IFNGR2: variants seen among roughly 807,000 people sequenced by gnomAD.
IFNGR2 encodes the protein IFN-gamma receptor 2.
IFNGR2 carries 15 observed loss-of-function variants against 41.1 expected under a neutral mutation model. The ratio of observed to expected loss-of-function variants is 0.37; its 90% CI spans 0.24 to 0.56. The LOEUF is 0.56. Among genes scored for constraint, IFNGR2 ranks in the 20% least tolerant of loss-of-function variants. The pLI, the probability that IFNGR2 is intolerant of heterozygous loss-of-function variation, is 0.81. For synonymous variants in IFNGR2, 161 were observed against 171.6 expected (o/e 0.94, Z 0.48); for missense variants, 362 against 415.7 (o/e 0.87, Z 1.12).
chr21:33,425,266 G>A (rs2083826380), intron 3 of IFNGR2, among the ~76,000 whole-genome samples: 1 of 152,092 alleles, frequency 6.6e-6, no homozygotes, highest in African/African-American at 2.4e-5. Flanking sequence ...GAGGCTTCGT[G>A]GAAAGGCCAT....
At position 33,432,235 on chromosome 21, in the gene IFNGR2, T is replaced by G; in HGVS notation, c.620T>G (p.Val207Gly). Residue 207 changes from valine (V) to glycine (G), a missense_variant, in exon 5 of 7, where the codon GTG (valine) becomes GGG (glycine). Val to Gly is a moderately radical substitution (Grantham distance 109, BLOSUM62 -3). Coordinates refer to ENST00000290219, the MANE Select transcript of IFNGR2 (RefSeq NM_005534.4). ...ISLDNLKPSR[V>G]YCLQVQAQLL... The stretch of plus-strand genomic sequence containing the variant: ...TTGGATAACTTAAAACCCTCCAGAG[T>G]GTACTGTTTACAAGTCCAGGCACAA... The G allele has an allele frequency of 6.2e-7, 1 of 1,613,922 alleles. No individual in the cohort carries two copies. Among genetic ancestry groups the G allele is most frequent in the East Asian group, 2.2e-5 (1 of 44,876 alleles).
chr21:33,416,608 G>T (rs1209127666), intron 2 of IFNGR2, among the ~76,000 whole-genome samples: 2 of 152,078 alleles, frequency 1.3e-5, no homozygotes, highest in Admixed American at 6.6e-5. Flanking sequence ...GGATCACGCG[G>T]TGAGGAGATC....
In IFNGR2 at chr21:33,403,594, C is replaced by A; in HGVS notation, c.51C>A (p.Ala17=). The change falls in exon 1 of 7, where the codon GCC becomes GCA. Residue 17 remains alanine, a synonymous_variant. Coordinates refer to ENST00000290219, the MANE Select transcript of IFNGR2 (RefSeq NM_005534.4). ...TGCTGCTGCTGCTCGGAGTCTTCGC[C>A]GCCGCCGCCGCGGCCCCGCCAGGTG... ...WSLLLLLGVF[A]AAAAAPPDPL... 1 of 1,370,334 alleles carries A rather than the reference C, an allele frequency of 7.3e-7. No individual in the cohort carries two copies. The allele number at this position is 1,370,334 out of a possible 1,614,324, so 84.9% of individuals were successfully genotyped here.
chr21:33,422,508 A>G (rs1329706413), intron 3 of IFNGR2, among the ~76,000 whole-genome samples: 1 of 152,164 alleles, frequency 6.6e-6, no homozygotes, highest in African/African-American at 2.4e-5. Flanking sequence ...ATGATTTTTA[A>G]AGGAGGAGGA....
intron 3 of IFNGR2, among the ~76,000 whole-genome samples, chr21:33,426,621 G>A (rs1436429960): frequency 6.6e-6 from 1 of 151,960 alleles, no homozygotes; most frequent in East Asian, 1.9e-4. Context: ...TTGAGAGGCT[G>A]ATGCAAGAGA....
At chr21:33,407,447 C>T (rs796578447) in intron 1 of IFNGR2, among the ~76,000 whole-genome samples, 44 of 152,332 alleles carry the variant, frequency 2.9e-4, no homozygotes, top group African/African-American at 9.1e-4. Context: ...ATTGGTCAGA[C>T]GAGATGCCAA....
rs17885292 is a variant in IFNGR2 at position 33,436,539 on chromosome 21, A to T, written c.880-289A>T. Among the ~76,000 whole-genome samples the T allele has an allele frequency of 4.1e-3, 630 of 152,224 alleles. 7 individuals are homozygous for T. Among genetic ancestry groups the T allele is most frequent in the African/African-American group, 0.015 (606 of 41,536 alleles). On this transcript the variant is annotated intron_variant, in intron 6 of 6. Transcript: ENST00000290219. The stretch of plus-strand genomic sequence containing the variant: ...GGAGTTTGAGACCAGCGTGGCCAAC[A>T]TAGTGAAACCCTGTCTCTACTAAAA...
chr21:33,436,076 T>C (rs2083945765), intron 6 of IFNGR2, among the ~76,000 whole-genome samples: 2 of 151,120 alleles, frequency 1.3e-5, no homozygotes, highest in African/African-American at 2.4e-5. Context: ...AAAAAATTGT[T>C]GCCGGGTGCA....
rs544180330 is a variant in IFNGR2, at chr21:33,409,293, C to A, written c.74-5595C>A. 2.0e-5 allele frequency among the ~76,000 whole-genome samples: 3 copies of A among 151,352 alleles called. No homozygotes were observed. The East Asian group carries it at 5.9e-4, about 30-fold the overall frequency. On this transcript the variant is annotated intron_variant, in intron 1 of 6. Transcript: ENST00000290219. Reference sequence around the variant, plus strand: ...ACCATCCTGGCTAATAATGGTGAAACCTCGTCTCTCCTAAAAGCACAAAAA... The same window carrying A: ...ACCATCCTGGCTAATAATGGTGAAAACTCGTCTCTCCTAAAAGCACAAAAA...
At chr21:33,422,098 A>G (rs985302403) in intron 3 of IFNGR2, among the ~76,000 whole-genome samples, 19 of 152,234 alleles carry the variant, frequency 1.2e-4, no homozygotes, top group African/African-American at 4.1e-4. Context: ...GGATGCTAGC[A>G]TATCTCTCTG....
intron 3 of IFNGR2, among the ~76,000 whole-genome samples, chr21:33,423,340 A>G (rs990074355): frequency 4.7e-5 from 7 of 148,112 alleles, no homozygotes; most frequent in Non-Finnish European, 1.0e-4. Context: ...CACCCAGCCT[A>G]TCTTCTCTCT....
chr21:33,405,852 T>G (rs999790618), intron 1 of IFNGR2, among the ~76,000 whole-genome samples: 1 of 151,292 alleles, frequency 6.6e-6, no homozygotes, highest in Non-Finnish European at 1.5e-5. Context: ...TCAACAATGA[T>G]GAAACCCCGT....
rs764925118 is a variant in IFNGR2 at position 33,421,534 on chromosome 21, A to G, written c.261A>G (p.Thr87=). Residue 87 remains threonine, a synonymous_variant, in exon 3 of 7, where the codon ACA becomes ACG. Transcript: ENST00000290219. ...ADIMSIGVNC[T]QITATECDFT... ...TCATGTCCATAGGGGTGAATTGTAC[A>G]CAGATCACAGCAACAGAGTGTGACT... 2.5e-6 allele frequency: 4 copies of G among 1,614,102 alleles called. No homozygotes were observed. The highest frequency in any genetic ancestry group is 2.2e-5 in the South Asian group (2 of 91,086).
chr21:33,436,591 G>A (rs2083953562), intron 6 of IFNGR2, among the ~76,000 whole-genome samples: 1 of 151,786 alleles, frequency 6.6e-6, no homozygotes, highest in Non-Finnish European at 1.5e-5. Context: ...GCAAGGTGGT[G>A]GGCACCTGTA....
At chr21:33,427,316 C>T (rs189299847) in intron 4 of IFNGR2, among the ~76,000 whole-genome samples, 24 of 152,300 alleles carry the variant, frequency 1.6e-4, no homozygotes, top group Admixed American at 1.3e-3. Flanking sequence ...GCCCTGCTTA[C>T]GATGCCTTTG....
chr21:33,419,425 CTTTT>C (rs377660605), intron 2 of IFNGR2, among the ~76,000 whole-genome samples: 2 of 151,658 alleles, frequency 1.3e-5, no homozygotes, highest in African/African-American at 2.4e-5. Flanking sequence ...TCATTTTAGA[CTTTT>C]TTTTCTAAAT....
At chr21:33,430,303 C>T (rs17879705) in intron 4 of IFNGR2, among the ~76,000 whole-genome samples, 4,005 of 152,318 alleles carry the variant, frequency 0.026, 77 homozygotes, top group Middle Eastern at 0.11. Context: ...CTGAAATAAA[C>T]CCAAAGGGAA....
intron 3 of IFNGR2, among the ~76,000 whole-genome samples, chr21:33,424,325 T>TA (rs530844952): frequency 4.6e-4 from 68 of 147,948 alleles, no homozygotes; most frequent in Admixed American, 2.2e-3. Flanking sequence ...GAATGATACT[T>TA]ACCGCCACTG....
intron 2 of IFNGR2, among the ~76,000 whole-genome samples, chr21:33,419,870 T>C (rs1377723053): frequency 6.6e-6 from 1 of 152,184 alleles, no homozygotes; most frequent in Non-Finnish European, 1.5e-5. Flanking sequence ...GAGCAGGCCC[T>C]GCACTGCATT....
Sources: allele counts gnomAD v4.1 joint callset (sites outside exome capture counted in the v4.1 genomes callset), GRCh38; gene constraint gnomAD v4.1.1; transcripts MANE v1.5; gene names NCBI Gene and HGNC (gene_info 2026-07-23, HGNC 2026-07-21).